Variants in TUNAR observed in about 807,000 individuals in gnomAD.
TUNAR encodes protein TUNAR.
At chr14:95,902,020 T>A (rs1232910454) in intron 2 of TUNAR, among the ~76,000 whole-genome samples, 1 of 152,126 alleles carries the variant, frequency 6.6e-6, no homozygotes, top group African/African-American at 2.4e-5. Context: ...TCAAAAAAGA[T>A]CAAGGATGTT....
intron 2 of TUNAR, among the ~76,000 whole-genome samples, chr14:95,883,854 T>C (rs894610345): frequency 1.2e-4 from 19 of 152,290 alleles, no homozygotes; most frequent in African/African-American, 4.3e-4. Context: ...TGCATATGGG[T>C]GGACCTTGCT....
chr14:95,882,347 G>A (rs961650564), intron 2 of TUNAR, among the ~76,000 whole-genome samples: 1 of 152,202 alleles, frequency 6.6e-6, no homozygotes, highest in African/African-American at 2.4e-5. Flanking sequence ...AGACAGAGAA[G>A]TTCATGGCCT....
chr14:95,915,578 A>G (rs895645923), intron 2 of TUNAR, among the ~76,000 whole-genome samples: 3 of 152,220 alleles, frequency 2.0e-5, no homozygotes, highest in Non-Finnish European at 4.4e-5. Context: ...AAGAAAGACC[A>G]TGAATGCTGG....
chr14:95,908,003 C>G (rs923271122), intron 2 of TUNAR, among the ~76,000 whole-genome samples: 1 of 152,154 alleles, frequency 6.6e-6, no homozygotes, highest in Non-Finnish European at 1.5e-5. Context: ...ATGGGTGGGC[C>G]TGGAAAAGGC....
intron 2 of TUNAR, among the ~76,000 whole-genome samples, chr14:95,887,904 G>A (rs2139654769): frequency 6.6e-6 from 1 of 152,316 alleles, no homozygotes; most frequent in East Asian, 1.9e-4. Context: ...GTTTTCCTGG[G>A]CAAGGACCTA....
At chr14:95,883,468 G>A (rs745505203) in intron 2 of TUNAR, among the ~76,000 whole-genome samples, 1 of 152,218 alleles carries the variant, frequency 6.6e-6, no homozygotes, top group Non-Finnish European at 1.5e-5. Context: ...CAGTTATGGA[G>A]CACTAGCTCT....
At chr14:95,885,589 AG>A (rs1243290706) in intron 2 of TUNAR, among the ~76,000 whole-genome samples, 1 of 152,010 alleles carries the variant, frequency 6.6e-6, no homozygotes, top group Non-Finnish European at 1.5e-5. Context: ...TATTGGGGAG[AG>A]GGTACTGTGT....
intron 2 of TUNAR, among the ~76,000 whole-genome samples, chr14:95,884,751 T>C (rs1391354274): frequency 6.6e-6 from 1 of 152,214 alleles, no homozygotes; most frequent in Non-Finnish European, 1.5e-5. Context: ...TCCACAAGTA[T>C]TCACAAGACA....
intron 2 of TUNAR, among the ~76,000 whole-genome samples, chr14:95,878,939 A>C (rs1220953365): frequency 3.3e-5 from 5 of 152,224 alleles, no homozygotes; most frequent in African/African-American, 9.6e-5. Context: ...TCATATTTGC[A>C]TAGGTAAAAC....
intron 2 of TUNAR, among the ~76,000 whole-genome samples, chr14:95,920,411 A>G (rs1041862818): frequency 1.3e-5 from 2 of 152,206 alleles, no homozygotes; most frequent in Admixed American, 1.3e-4. Flanking sequence ...CATTAAAAGT[A>G]TACGAGGGGA....
chr14:95,885,667 G>A (rs1272280673), intron 2 of TUNAR, among the ~76,000 whole-genome samples: 1 of 152,148 alleles, frequency 6.6e-6, no homozygotes, highest in Non-Finnish European at 1.5e-5. Context: ...CTGCTTAGAT[G>A]GGAGTGGGTC....
exon 3 of TUNAR, chr14:95,923,733 T>TCCTCTCTCTCTG (rs1269266535): frequency 6.6e-6 from 1 of 151,764 alleles, no homozygotes; most frequent in East Asian, 1.9e-4. Context: ...TCTCTCTCTC[T>TCCTCTCTCTCTG]CCTCTCTCTC....
At chr14:95,905,540 G>T (rs546224342) in intron 2 of TUNAR, among the ~76,000 whole-genome samples, 12 of 152,298 alleles carry the variant, frequency 7.9e-5, no homozygotes, top group Non-Finnish European at 1.5e-4. Flanking sequence ...CCTTCTTGGT[G>T]CCCCCTATCG....
chr14:95,899,100 A>G (rs531762745), intron 2 of TUNAR, among the ~76,000 whole-genome samples: 1 of 152,286 alleles, frequency 6.6e-6, no homozygotes, highest in South Asian at 2.1e-4. Flanking sequence ...CACTTTGCTG[A>G]TTGCATGGAG....
intron 2 of TUNAR, among the ~76,000 whole-genome samples, chr14:95,909,803 C>A (rs904658042): frequency 1.4e-4 from 22 of 152,214 alleles, no homozygotes; most frequent in African/African-American, 5.3e-4. Flanking sequence ...TGGGGAAAGA[C>A]CCAAATCAAG....
intron 2 of TUNAR, among the ~76,000 whole-genome samples, chr14:95,922,560 G>C (rs1054649175): frequency 3.3e-5 from 5 of 152,174 alleles, no homozygotes; most frequent in East Asian, 1.9e-4. Context: ...TCCTCTCTCT[G>C]TACCAATGTC....
chr14:95,890,453 G>A (rs1329519422), intron 2 of TUNAR, among the ~76,000 whole-genome samples: 1 of 152,202 alleles, frequency 6.6e-6, no homozygotes, highest in Non-Finnish European at 1.5e-5. Flanking sequence ...GAGAGAAGTA[G>A]AGTGGCCTGG....
At chr14:95,892,980 T>C (rs780206301) in intron 2 of TUNAR, among the ~76,000 whole-genome samples, 2 of 152,168 alleles carry the variant, frequency 1.3e-5, no homozygotes, top group African/African-American at 4.8e-5. Context: ...GTGGTAGATT[T>C]GGGCAAGGAG....
intron 2 of TUNAR, among the ~76,000 whole-genome samples, chr14:95,921,628 A>T (rs1889698196): frequency 6.6e-6 from 1 of 152,256 alleles, no homozygotes; most frequent in South Asian, 2.1e-4. Flanking sequence ...CAGATGGCAG[A>T]TGACTAGTAT....
Sources: allele counts gnomAD v4.1 joint callset (sites outside exome capture counted in the v4.1 genomes callset), GRCh38; gene constraint gnomAD v4.1.1; transcripts MANE v1.5; gene names NCBI Gene and HGNC (gene_info 2026-07-23, HGNC 2026-07-21).